The following EDARADD variants were observed in gnomAD, a reference collection of about 807,000 sequenced individuals.
The protein encoded by EDARADD is ectodysplasin-A receptor-associated adapter protein.
In EDARADD, 20 loss-of-function variants were observed where a neutral mutation model predicts 25.6. The observed-to-expected ratio is 0.78, with a 90% CI of 0.55 to 1.14. The LOEUF (loss-of-function observed/expected upper bound fraction) is 1.14, where lower values mean the gene tolerates loss of function less well. EDARADD is among the 50% of genes most tolerant of loss of function. The probability of loss-of-function intolerance (pLI) is 0.00; values close to 1 mark genes in which losing one functional copy is unlikely to be tolerated. For synonymous variants in EDARADD, 86 were observed against 94.4 expected (o/e 0.91, Z 0.52); for missense variants, 225 against 270.1 (o/e 0.83, Z 1.17).
intron 4 of EDARADD, among the ~76,000 whole-genome samples, chr1:236,458,529 G>A (rs1041215199): frequency 1.3e-4 from 19 of 151,934 alleles, no homozygotes; most frequent in African/African-American, 3.4e-4. Flanking sequence ...ATTGAGAGAC[G>A]TAATAATAGA....
chr1:236,460,357 A>AT (rs1346086751), intron 4 of EDARADD, among the ~76,000 whole-genome samples: 1 of 151,314 alleles, frequency 6.6e-6, no homozygotes, highest in Non-Finnish European at 1.5e-5. Flanking sequence ...ATTTTTGTAT[A>AT]TTTTTTGTAG....
At chr1:236,348,844 CTATCAAAATG>C (rs1208989418) in exon 2 of EDARADD, 2 of 152,164 alleles carry the variant, frequency 1.3e-5, no homozygotes, top group African/African-American at 4.8e-5. Context: ...ACTGAGTGCC[CTATCAAAATG>C]GAAGAATCCC....
chr1:236,482,850 AT>A lies in EDARADD; in HGVS notation c.*204del. 1 of 692,188 alleles carries A rather than the reference AT, an allele frequency of 1.4e-6. No individual in the cohort carries two copies. Among genetic ancestry groups the A allele is most frequent in the Non-Finnish European group, 2.4e-6 (1 of 418,794 alleles). The allele number at this position is 692,188 out of a possible 1,614,324, so 42.9% of individuals were successfully genotyped here. A position where few individuals can be genotyped will look rare whatever the true frequency, so the allele number is the denominator to read the frequency against. Reference sequence around the variant, plus strand: ...TGTTTATTTTTGCACATCTGTTATAATTTAATATTCAAATCTGGAATTAAGA... The same window carrying A: ...TGTTTATTTTTGCACATCTGTTATAATTAATATTCAAATCTGGAATTAAGA... On this transcript the variant is annotated 3_prime_UTR_variant, in exon 6 of 6. Coordinates refer to ENST00000334232, the MANE Select transcript of EDARADD (RefSeq NM_145861.4).
intron 5 of EDARADD, among the ~76,000 whole-genome samples, chr1:236,469,624 C>T (rs1659305813): frequency 6.6e-6 from 1 of 152,122 alleles, no homozygotes; most frequent in Admixed American, 6.5e-5. Flanking sequence ...GTAGAGCCCT[C>T]AGGGGCAGCT....
In EDARADD at chr1:236,377,544, A is replaced by T. The variant is rs141620183; in HGVS notation, c.-6+26705A>T. Among the ~76,000 whole-genome samples the T allele has an allele frequency of 2.4e-4, 36 of 149,794 alleles. 1 individual carries two copies. The highest frequency in any genetic ancestry group is 8.6e-4 in the South Asian group (4 of 4,656). ...CCATATATATATGAGTCTGATTCTG[A>T]TGCTTGCCCGGTCTCTTCAAACTGT... is the stretch of plus-strand genomic sequence containing the variant. On this transcript the variant is annotated intron_variant, in intron 3 of 7. Coordinates refer to the EDARADD transcript ENST00000439430.
At chr1:236,414,391 T>TAG in intron 3 of EDARADD, 92 bp downstream of exon 3, 1 of 1,047,714 alleles carries the variant, frequency 9.5e-7, no homozygotes, top group Non-Finnish European at 1.5e-6. Flanking sequence ...TATTTAAAAT[T>TAG]GTAAAGTAGA....
At position 236,482,729 on chromosome 1, in the gene EDARADD, A is replaced by G; in HGVS notation, c.*80A>G. ...AGAAGGAATGTGAATCTGTTGTTTT[A>G]TAAGAGTTTAGGACAAGGACGTGGA... On this transcript the variant is annotated 3_prime_UTR_variant, in exon 6 of 6. Transcript: ENST00000334232. 1 of 1,595,780 alleles carries G rather than the reference A, an allele frequency of 6.3e-7. No homozygotes were observed. Among genetic ancestry groups the G allele is most frequent in the Non-Finnish European group, 8.5e-7 (1 of 1,175,938 alleles).
chr1:236,367,460 C>T (rs2102992764), intron 3 of EDARADD, among the ~76,000 whole-genome samples: 1 of 152,220 alleles, frequency 6.6e-6, no homozygotes. Context: ...AACTCCTGAC[C>T]TCAGGTGATC....
intron 4 of EDARADD, among the ~76,000 whole-genome samples, chr1:236,449,135 C>T (rs1488473421): frequency 6.6e-6 from 1 of 152,148 alleles, no homozygotes; most frequent in African/African-American, 2.4e-5. Flanking sequence ...GAAGCATCAT[C>T]GCAACCTCTG....
At chr1:236,410,510 C>T (rs983939121) in intron 2 of EDARADD, among the ~76,000 whole-genome samples, 2 of 152,252 alleles carry the variant, frequency 1.3e-5, no homozygotes, top group East Asian at 1.9e-4. Context: ...GGCACGTACC[C>T]CCATCCTACA....
At chr1:236,470,462 T>C (rs980970704) in intron 5 of EDARADD, among the ~76,000 whole-genome samples, 5 of 152,244 alleles carry the variant, frequency 3.3e-5, no homozygotes, top group African/African-American at 1.2e-4. Flanking sequence ...GAAATTTGTT[T>C]AGAAATATTT....
At chr1:236,445,414 G>C (rs982860570) in intron 4 of EDARADD, among the ~76,000 whole-genome samples, 2 of 151,986 alleles carry the variant, frequency 1.3e-5, no homozygotes, top group Admixed American at 1.3e-4. Flanking sequence ...TTTTAGTAGA[G>C]ATGGGGTTTC....
chr1:236,484,576 G>A lies in EDARADD; in HGVS notation c.*1927G>A, dbSNP rs961312869. ...CCGAGCAACATTTGTAGGGGCCGCT[G>A]CTAGTTAGCTACCCTTGCCCACCGC... On this transcript the variant is annotated 3_prime_UTR_variant, in exon 6 of 6. Coordinates refer to ENST00000334232, the MANE Select transcript of EDARADD (RefSeq NM_145861.4). The surrounding 1 kb of genome is among the most constrained non-coding windows in gnomAD (Gnocchi z 4.1). 1.2e-6 allele frequency: 1 copy of A among 826,122 alleles called. No homozygotes were observed. The highest frequency in any genetic ancestry group is 1.9e-6 in the Non-Finnish European group (1 of 514,170). 51.2% of individuals were successfully genotyped at this position (826,122 alleles called of 1,614,324 possible). A position where few individuals can be genotyped will look rare whatever the true frequency, so the allele number is the denominator to read the frequency against.
chr1:236,466,949 C>T (rs2103034893), intron 4 of EDARADD, among the ~76,000 whole-genome samples: 1 of 152,216 alleles, frequency 6.6e-6, no homozygotes, highest in African/African-American at 2.4e-5. Flanking sequence ...TGGCTGTAGT[C>T]CCAGCTACTT....
chr1:236,403,869 A>AG, intron 1 of EDARADD, among the ~76,000 whole-genome samples: 1 of 149,902 alleles, frequency 6.7e-6, no homozygotes, highest in East Asian at 2.0e-4. Flanking sequence ...CTTTTGAGGA[A>AG]CTTTCCAGAA....
At chr1:236,377,663 T>G (rs1354022217) in intron 3 of EDARADD, among the ~76,000 whole-genome samples, 19 of 151,100 alleles carry the variant, frequency 1.3e-4, no homozygotes, top group Admixed American at 5.9e-4. Flanking sequence ...ATCGAGACCA[T>G]CCTGGCCAAC....
chr1:236,354,484 A>G (rs1242039172), intron 3 of EDARADD, among the ~76,000 whole-genome samples: 1 of 152,206 alleles, frequency 6.6e-6, no homozygotes, highest in Non-Finnish European at 1.5e-5. Context: ...ATCAACTAAG[A>G]CAAACCTTTA....
intron 4 of EDARADD, 78 bp from the exon 5 acceptor site, chr1:236,468,153 T>G: frequency 6.8e-7 from 1 of 1,468,882 alleles, no homozygotes; most frequent in East Asian, 2.3e-5. Flanking sequence ...GGTGGAAATT[T>G]AACTAAGTTG....
Position 236,398,196 on chromosome 1 carries a change from C to T in EDARADD, c.61+3691C>T, listed in dbSNP as rs184071891. On this transcript the variant is annotated intron_variant, in intron 1 of 5. Transcript: ENST00000334232. The surrounding 1 kb of genome is among the most constrained non-coding windows in gnomAD (Gnocchi z 4.1). Reference sequence around the variant, plus strand: ...CTGGAGTGCAGTGGCGTGATCCCCACTCACTGCAACCTCCGCCTCCCGGGT... The same window carrying T: ...CTGGAGTGCAGTGGCGTGATCCCCATTCACTGCAACCTCCGCCTCCCGGGT... Among the ~76,000 whole-genome samples the T allele has an allele frequency of 5.9e-5, 9 of 152,314 alleles. No homozygotes were observed. In the East Asian group the frequency reaches 1.7e-3, roughly 29 times the overall value.
Sources: gnomAD v4.1 joint callset for allele counts (sites outside exome capture counted in the v4.1 genomes callset) on GRCh38, gnomAD v4.1.1 for gene constraint, Gnocchi (gnomAD v3.1) non-coding constraint, MANE v1.5 for transcripts, NCBI Gene and HGNC (gene_info 2026-07-23, HGNC 2026-07-21) for gene names.